Variants in PFDN5 observed in about 807,000 individuals in gnomAD.
PFDN5 encodes c-myc binding protein.
In PFDN5, 13 loss-of-function variants were observed where a neutral mutation model predicts 21.5. The observed-to-expected ratio is 0.60, with a 90% CI of 0.39 to 0.96. The LOEUF is 0.96. Among genes scored for constraint, PFDN5 ranks in the 40% least tolerant of loss-of-function variants. The pLI is 0.00. For missense variants in PFDN5, 188 were observed against 186.2 expected, an observed-to-expected ratio of 1.01 and a Z score of -0.06; for synonymous variants, 84 against 68.9, an observed-to-expected ratio of 1.22 and a Z score of -1.08.
intron 5 of PFDN5, 107 bp downstream of exon 5, chr12:53,298,257 A>G: frequency 1.4e-6 from 1 of 734,954 alleles, no homozygotes; most frequent in Non-Finnish European, 2.5e-6. Flanking sequence ...ACTATGTCTT[A>G]GTTTCTCTTT....
At chr12:53,298,928 G>A (rs1944190645) in intron 5 of PFDN5, 3 of 221,246 alleles carry the variant, frequency 1.4e-5, no homozygotes, top group Admixed American at 5.6e-5. Flanking sequence ...CTGAGGTTAG[G>A]AGTTCAAGAC....
At position 53,299,270 on chromosome 12, in the gene PFDN5, C is replaced by G. The variant is rs145140400; in HGVS notation, c.390C>G (p.Ala130=). Residue 130 remains alanine (A), a splice_region_variant and synonymous_variant, in exon 6 of 6, where the codon GCC becomes GCG. Coordinates refer to ENST00000334478, the MANE Select transcript of PFDN5 (RefSeq NM_002624.4). ...ALQEKHAMKQ[A]VMEMMSQKIQ... Reference sequence around the variant, plus strand: ...TTTGACTCTTATTTTTTTCCACAGCCGTCATGGAAATGATGAGTCAGAAGA... The same window carrying G: ...TTTGACTCTTATTTTTTTCCACAGCGGTCATGGAAATGATGAGTCAGAAGA... The G allele has an allele frequency of 6.2e-7, 1 of 1,608,274 alleles. No homozygotes were observed. Among genetic ancestry groups the G allele is most frequent in the South Asian group, 1.1e-5 (1 of 90,884 alleles).
Position 53,298,123 on chromosome 12 carries a change from C to G in PFDN5, c.361C>G (p.Leu121Val). The G allele has an allele frequency of 6.2e-7, 1 of 1,612,826 alleles. No homozygotes were observed. Among genetic ancestry groups the G allele is most frequent in the Non-Finnish European group, 8.5e-7 (1 of 1,178,764 alleles). Residue 121 changes from leucine (L) to valine (V), a missense_variant, in exon 5 of 6, where the codon CTT (leucine) becomes GTT (valine). Leu to Val is a conservative substitution (Grantham distance 32). Coordinates refer to ENST00000334478, the MANE Select transcript of PFDN5 (RefSeq NM_002624.4). The stretch of plus-strand genomic sequence containing the variant: ...GCAGATGGAGAAAATCCAACCAGCT[C>G]TTCAGGAGAAGCACGCCATGAAACA... Reference protein sequence around the residue: ...TKQMEKIQPALQEKHAMKQAV... With the variant: ...TKQMEKIQPAVQEKHAMKQAV...
chr12:53,298,428 T>C, intron 5 of PFDN5: 1 of 333,612 alleles, frequency 3.0e-6, no homozygotes, highest in Non-Finnish European at 5.8e-6. Context: ...GAAGGAATCA[T>C]GATCCAAACG....
In PFDN5 at chr12:53,295,602, T is replaced by G. The variant is rs199718276; in HGVS notation, c.35T>G (p.Leu12Arg). The change falls in exon 1 of 6, where the codon CTG (leucine) becomes CGG (arginine). Residue 12 changes from leucine (L) to arginine (R), a missense_variant. Leu to Arg is a moderately radical substitution (Grantham distance 102). Transcript: ENST00000334478. ...AQSINITELN[L>R]PQLEMLKNQL... ...TCTATTAACATCACGGAGCTGAATC[T>G]GCCGCAGCTAGAAATGCTCAAGAAC... 13 of 1,613,874 alleles carry G rather than the reference T, an allele frequency of 8.1e-6. 1 individual carries two copies. Among genetic ancestry groups the G allele is most frequent in the African/African-American group, 2.7e-5 (2 of 74,898 alleles).
Position 53,298,085 on chromosome 12 carries a change from A to G in PFDN5, c.323A>G (p.Asp108Gly), listed in dbSNP as rs757773191. 4 of 1,613,806 alleles carry G rather than the reference A, an allele frequency of 2.5e-6. No individual in the cohort carries two copies. The highest frequency in any genetic ancestry group is 3.4e-6 in the Non-Finnish European group (4 of 1,179,726). ...AAGGACTTCTTCAAGAGGAAGATAG[A>G]TTTTCTAACCAAGCAGATGGAGAAA... ...DAKDFFKRKI[D>G]FLTKQMEKIQ... The change falls in exon 5 of 6, where the codon GAT becomes GGT. Residue 108 changes from aspartate (D) to glycine (G), a missense_variant. Coordinates refer to ENST00000334478, the MANE Select transcript of PFDN5 (RefSeq NM_002624.4).
In PFDN5 at chr12:53,297,410, T is replaced by C. The variant is rs372422243; in HGVS notation, c.208-440T>C. On this transcript the variant is annotated intron_variant, in intron 3 of 5. Transcript: ENST00000334478. ...GGCAATTGCACTCCAACCTGGGCGA[T>C]AGAGCGAGACTCTGTCTCAGAAAGC... 797 of 167,110 alleles carry C rather than the reference T, an allele frequency of 4.8e-3. 1 individual carries two copies. The highest frequency in any genetic ancestry group is 0.018 in the African/African-American group (749 of 41,744). The allele number at this position is 167,110 out of a possible 1,614,324, so 10.4% of individuals were successfully genotyped here.
chr12:53,296,203 C>T (rs976134778), intron 2 of PFDN5, 41 bp from the exon 3 acceptor site: 9 of 1,590,692 alleles, frequency 5.7e-6, no homozygotes, highest in African/African-American at 2.7e-5. Context: ...ACGTTGGAGC[C>T]GCTAACCTTC....
Position 53,299,429 on chromosome 12 carries a change from TAA to T in PFDN5, c.*86_*87del. 3 of 872,042 alleles carry T rather than the reference TAA, an allele frequency of 3.4e-6. No homozygotes were observed. The allele number at this position is 872,042 out of a possible 1,614,324, so 54.0% of individuals were successfully genotyped here. ...GAAGGGTCTTGTGTTTTAATGCCAA[TAA>T]ATGTGCCAGCTGGGCAGAATGTTGG... On this transcript the variant is annotated 3_prime_UTR_variant, in exon 6 of 6. Transcript: ENST00000334478.
At chr12:53,297,772 G>T in intron 3 of PFDN5, 78 bp from the exon 4 acceptor site, 1 of 1,055,580 alleles carries the variant, frequency 9.5e-7, no homozygotes, top group Non-Finnish European at 1.5e-6. Flanking sequence ...GAGGGTCTTT[G>T]GAGGCCAAGC....
intron 2 of PFDN5, 66 bp downstream of exon 2, chr12:53,296,007 C>A: frequency 1.0e-6 from 1 of 981,942 alleles, no homozygotes; most frequent in South Asian, 1.3e-5. Flanking sequence ...CACCTCCTAA[C>A]CCAGTTTTTC....
At chr12:53,296,709 G>A (rs557048785) in intron 3 of PFDN5, 6 of 297,490 alleles carry the variant, frequency 2.0e-5, no homozygotes, top group South Asian at 1.4e-4. Flanking sequence ...CACTGCCCCC[G>A]GCCAAGAATA....
In PFDN5 at chr12:53,299,318, G is replaced by A. The variant is rs1944199200; in HGVS notation, c.438G>A (p.Gly146=). Residue 146 remains glycine (G), a synonymous_variant, in exon 6 of 6, where the codon GGG becomes GGA. Coordinates refer to ENST00000334478, the MANE Select transcript of PFDN5 (RefSeq NM_002624.4). ...SQKIQQLTAL[G]AAQATAKA is the part of the protein sequence containing the mutation. ...AGATTCAGCAGCTCACAGCCCTGGG[G>A]GCAGCTCAGGCTACTGCTAAGGCCT... 1 of 1,612,138 alleles carries A rather than the reference G, an allele frequency of 6.2e-7. No individual in the cohort carries two copies. Among genetic ancestry groups the A allele is most frequent in the Non-Finnish European group, 8.5e-7 (1 of 1,178,984 alleles).
chr12:53,295,990 C>G (rs766206340), intron 2 of PFDN5, 49 bp downstream of exon 2: 3 of 1,081,190 alleles, frequency 2.8e-6, no homozygotes, highest in Non-Finnish European at 4.3e-6. Flanking sequence ...ACCTGCTTCT[C>G]TCGTCCCACC....
Position 53,298,147 on chromosome 12 carries a change from CAG to C in PFDN5, c.386_387del (p.Gln129ArgfsTer24). 1 of 1,603,122 alleles carries C rather than the reference CAG, an allele frequency of 6.2e-7. No individual in the cohort carries two copies. On this transcript the variant is annotated frameshift_variant and splice_region_variant, in exon 5 of 6. Transcript: ENST00000334478. LOFTEE classifies it high-confidence loss of function. ...PALQEKHAMK[Q>X]AVMEMMSQKI... ...TCTTCAGGAGAAGCACGCCATGAAACAGGGTAAGTTTTTCCTGGGGCACCTCT... is the reference window on the plus strand; with the variant it reads ...TCTTCAGGAGAAGCACGCCATGAAACGGTAAGTTTTTCCTGGGGCACCTCT...
intron 2 of PFDN5, 100 bp from the exon 3 acceptor site, chr12:53,296,144 C>T: frequency 1.9e-6 from 2 of 1,058,524 alleles, no homozygotes; most frequent in Non-Finnish European, 2.9e-6. Flanking sequence ...CCGTTCTTTT[C>T]ACACTGTCTG....
rs942999640 is a variant in PFDN5 at position 53,295,957 on chromosome 12, G to T, written c.175+16G>T. On this transcript the variant is annotated intron_variant, in intron 2 of 5. Transcript: ENST00000334478. ...AGCAACGAGGGTATGGGGTAGGCGG[G>T]TGAGGGTAACCTAAAGTGGCGAACC... 10 of 1,526,012 alleles carry T rather than the reference G, an allele frequency of 6.6e-6. No individual in the cohort carries two copies. The highest frequency in any genetic ancestry group is 7.3e-6 in the Non-Finnish European group (8 of 1,100,952). The allele number at this position is 1,526,012 out of a possible 1,614,324, so 94.5% of individuals were successfully genotyped here.
In PFDN5 at chr12:53,295,553, G is replaced by A. The variant is rs1289946646; in HGVS notation, c.-15G>A. 5 of 1,610,164 alleles carry A rather than the reference G, an allele frequency of 3.1e-6. No homozygotes were observed. The East Asian group carries it at 6.7e-5, about 22-fold the overall frequency. On this transcript the variant is annotated 5_prime_UTR_variant, in exon 1 of 6. Transcript: ENST00000334478. ...CGCCGAGAGACTTCCTCTTCGTTAA[G>A]TCGGCCTTCCCAACATGGCGCAGTC...
intron 2 of PFDN5, 126 bp downstream of exon 2, chr12:53,296,067 C>G (rs1391771455): frequency 1.3e-6 from 1 of 772,646 alleles, no homozygotes; most frequent in South Asian, 1.5e-5. Flanking sequence ...CTTCATGAAC[C>G]CTTTGCATGT....
Sources: allele counts gnomAD v4.1 joint callset, GRCh38; gene constraint gnomAD v4.1.1; transcripts MANE v1.5; gene names NCBI Gene and HGNC (gene_info 2026-07-23, HGNC 2026-07-21).